The following EGLN1 variants were observed in gnomAD, a reference collection of about 807,000 sequenced individuals.
EGLN1 encodes the protein egl nine homolog 1.
In EGLN1, 17 loss-of-function variants were observed where a neutral mutation model predicts 38.3. The observed-to-expected ratio is 0.44, with a 90% CI of 0.30 to 0.67. The LOEUF (loss-of-function observed/expected upper bound fraction) is 0.67, where lower values mean the gene tolerates loss of function less well. Among genes scored for constraint, EGLN1 ranks in the 30% least tolerant of loss-of-function variants. EGLN1 has a pLI of 0.08. For missense variants in EGLN1, 477 were observed against 603.3 expected (o/e 0.79, Z 2.19); for synonymous variants, 283 against 257.5 (o/e 1.10, Z -0.95).
At position 231,412,011 on chromosome 1, in the gene EGLN1, C is replaced by CAAAAAA. The variant is rs747472895; in HGVS notation, c.891+8981_891+8986dup. Among the ~76,000 whole-genome samples the CAAAAAA allele has an allele frequency of 7.7e-4, 26 of 33,666 alleles. 6 individuals carry two copies. Among genetic ancestry groups the CAAAAAA allele is most frequent in the African/African-American group, 1.5e-3 (17 of 11,288 alleles). 22.1% of individuals were successfully genotyped at this position (33,666 alleles called of 152,430 possible). ...TGGGTGACAGAGTGAGACTCCATCT[C>CAAAAAA]AAAAAAAAAAAAAAAAAAAAAAAAA... On this transcript the variant is annotated intron_variant, in intron 1 of 4. Transcript: ENST00000366641.
Position 231,405,590 on chromosome 1 carries a change from T to C in EGLN1, c.891+15408A>G, listed in dbSNP as rs141542362. ...ATAGATGGAGAGACTGGCAGAGTTG[T>C]TGAGTGCCTTGCTCAGTAGTAGAGA... On this transcript the variant is annotated intron_variant, in intron 1 of 4. Transcript: ENST00000366641. 1.0e-3 allele frequency among the ~76,000 whole-genome samples: 155 copies of C among 152,276 alleles called. 6 individuals carry two copies. The East Asian group carries it at 0.029, about 28-fold the overall frequency.
intron 3 of EGLN1, 56 bp downstream of exon 3, chr1:231,370,506 G>A (rs185476774): frequency 3.0e-5 from 47 of 1,587,692 alleles, no homozygotes; most frequent in Non-Finnish European, 4.3e-6. Context: ...TTACTCTACA[G>A]ATTCCCTCCT....
chr1:231,368,843 AAGG>A (rs1023001246), intron 3 of EGLN1, among the ~76,000 whole-genome samples: 2 of 152,224 alleles, frequency 1.3e-5, no homozygotes, highest in Non-Finnish European at 2.9e-5. Flanking sequence ...GCTGAGGTCT[AAGG>A]AGGTCTCCTG....
At chr1:231,366,705 A>ATT (rs1687657394) in intron 4 of EGLN1, among the ~76,000 whole-genome samples, 1 of 152,194 alleles carries the variant, frequency 6.6e-6, no homozygotes, top group African/African-American at 2.4e-5. Flanking sequence ...AGAGATAATG[A>ATT]TTTTGTCTTT....
rs1268082980 is a variant in EGLN1 at position 231,403,760 on chromosome 1, T to TC, written c.891+17237dup. On this transcript the variant is annotated intron_variant, in intron 1 of 4. Coordinates refer to ENST00000366641, the MANE Select transcript of EGLN1 (RefSeq NM_022051.3). ...TCCAGCATGGTCAACAGAGCCAGAC[T>TC]CCATCTCAAAAAAAAAAAAAAAAAA... Among the ~76,000 whole-genome samples the TC allele has an allele frequency of 5.4e-5, 5 of 93,184 alleles. No homozygotes were observed. The South Asian group carries it at 2.0e-3, about 36-fold the overall frequency. 61.1% of individuals were successfully genotyped at this position (93,184 alleles called of 152,430 possible). A position where few individuals can be genotyped will look rare whatever the true frequency, so the allele number is the denominator to read the frequency against.
At chr1:231,414,630 T>C (rs1001503189) in intron 1 of EGLN1, among the ~76,000 whole-genome samples, 6 of 151,902 alleles carry the variant, frequency 3.9e-5, no homozygotes, top group African/African-American at 1.2e-4. Flanking sequence ...AGCCAACATG[T>C]AGAATGACAG....
rs117041705 is a variant in EGLN1, at chr1:231,384,770, C to T, written c.892-10671G>A. 7.0e-4 allele frequency among the ~76,000 whole-genome samples: 106 copies of T among 152,318 alleles called. No homozygotes were observed. The East Asian group carries it at 0.018, about 25-fold the overall frequency. On this transcript the variant is annotated intron_variant, in intron 1 of 4. Transcript: ENST00000366641. Reference sequence around the variant, plus strand: ...GGGCTGGCAGACCACAGCCCACTGCCTGTTTTTATAAGTAAAGCTGTATTG... The same window carrying T: ...GGGCTGGCAGACCACAGCCCACTGCTTGTTTTTATAAGTAAAGCTGTATTG...
chr1:231,421,098 G>A lies in EGLN1; in HGVS notation c.791C>T (p.Pro264Leu). 6.2e-7 allele frequency: 1 copy of A among 1,614,194 alleles called. No homozygotes were observed. The highest frequency in any genetic ancestry group is 8.5e-7 in the Non-Finnish European group (1 of 1,180,032). ...DKITWIEGKE[P>L]GCETIGLLMS... ...GAGCAGCCCAATGGTTTCGCAGCCG[G>A]GCTCCTTGCCCTCGATCCAGGTGAT... The change falls in exon 1 of 5, where the codon CCC (proline) becomes CTC (leucine). Residue 264 changes from proline to leucine, a missense_variant. By Grantham distance (98) the Pro-to-Leu change is moderately conservative. This residue lies in a region of EGLN1 where 119 missense variants were observed against 179.0 expected (regional missense o/e 0.66). Coordinates refer to ENST00000366641, the MANE Select transcript of EGLN1 (RefSeq NM_022051.3). This position sits in a 1 kb window ranked among gnomAD's most constrained non-coding sequence, Gnocchi z 5.5.
intron 1 of EGLN1, among the ~76,000 whole-genome samples, chr1:231,399,804 T>C (rs1162220110): frequency 1.3e-5 from 2 of 152,142 alleles, no homozygotes. Flanking sequence ...CCTACATTCT[T>C]GACCAATATA....
intron 1 of EGLN1, among the ~76,000 whole-genome samples, chr1:231,393,890 T>C (rs185956045): frequency 7.2e-5 from 11 of 152,354 alleles, no homozygotes; most frequent in Admixed American, 7.2e-4. Context: ...ACTTCTTTCC[T>C]GTTATCTAAT....
intron 1 of EGLN1, among the ~76,000 whole-genome samples, chr1:231,399,878 C>T (rs1010673201): frequency 5.9e-5 from 9 of 152,088 alleles, no homozygotes; most frequent in Non-Finnish European, 7.3e-5. Context: ...GGGAAAAGGG[C>T]AGACCCTTTT....
chr1:231,405,073 A>C (rs375892722), intron 1 of EGLN1, among the ~76,000 whole-genome samples: 1 of 152,240 alleles, frequency 6.6e-6, no homozygotes, highest in Non-Finnish European at 1.5e-5. Flanking sequence ...ACTTCTGATG[A>C]CAATGTTAAC....
At chr1:231,399,511 T>A (rs1688611869) in intron 1 of EGLN1, among the ~76,000 whole-genome samples, 1 of 152,084 alleles carries the variant, frequency 6.6e-6, no homozygotes, top group Non-Finnish European at 1.5e-5. Context: ...AAGGAATGGT[T>A]CAAGAGATCA....
At chr1:231,397,120 T>C (rs753574983) in intron 1 of EGLN1, among the ~76,000 whole-genome samples, 3 of 152,190 alleles carry the variant, frequency 2.0e-5, no homozygotes, top group African/African-American at 2.4e-5. Flanking sequence ...AATCCTTCCA[T>C]AGCTCCCAAT....
intron 1 of EGLN1, among the ~76,000 whole-genome samples, chr1:231,408,426 T>C (rs1688847965): frequency 6.6e-6 from 1 of 152,194 alleles, no homozygotes; most frequent in Non-Finnish European, 1.5e-5. Context: ...GCATTAAATG[T>C]GTAAGAATCA....
chr1:231,411,719 C>G (rs1413530195), intron 1 of EGLN1, among the ~76,000 whole-genome samples: 1 of 152,100 alleles, frequency 6.6e-6, no homozygotes, highest in Admixed American at 6.5e-5. Context: ...GGATAGTAGG[C>G]CGGGCACAGT....
intron 1 of EGLN1, among the ~76,000 whole-genome samples, chr1:231,411,511 G>A (rs1688941723): frequency 6.6e-6 from 1 of 152,098 alleles, no homozygotes. Flanking sequence ...TCCTATTAAG[G>A]TGTTATTACA....
In EGLN1 at chr1:231,414,733, C is replaced by CTTTT. The variant is rs71179779; in HGVS notation, c.891+6261_891+6264dup. Among the ~76,000 whole-genome samples the CTTTT allele has an allele frequency of 4.3e-3, 556 of 129,498 alleles. 14 individuals carry two copies. Among genetic ancestry groups the CTTTT allele is most frequent in the Non-Finnish European group, 6.3e-3 (395 of 62,426 alleles). The allele number at this position is 129,498 out of a possible 152,430, so 85.0% of individuals were successfully genotyped here. A position where few individuals can be genotyped will look rare whatever the true frequency, so the allele number is the denominator to read the frequency against. Reference sequence around the variant, plus strand: ...ATGGCTCATACCTGTAATCCCAGCACTTTTTTTTTTTTTTTTTTGAGACAG... The same window carrying CTTTT: ...ATGGCTCATACCTGTAATCCCAGCACTTTTTTTTTTTTTTTTTTTTTTGAGACAG... On this transcript the variant is annotated intron_variant, in intron 1 of 4. Transcript: ENST00000366641.
At chr1:231,391,408 C>T (rs1257124516) in intron 1 of EGLN1, among the ~76,000 whole-genome samples, 1 of 152,070 alleles carries the variant, frequency 6.6e-6, no homozygotes. Flanking sequence ...GGCCCAAACT[C>T]TTTAGAGAGG....
Sources: gnomAD v4.1 joint callset for allele counts (sites outside exome capture counted in the v4.1 genomes callset) on GRCh38, gnomAD v4.1.1 for gene constraint, gnomAD v4.1.1 regional missense constraint, Gnocchi (gnomAD v3.1) non-coding constraint, MANE v1.5 for transcripts, NCBI Gene and HGNC (gene_info 2026-07-23, HGNC 2026-07-21) for gene names.